Variants in ZNF98 observed in about 807,000 individuals in gnomAD.
ZNF98 encodes zinc finger protein 739.
ZNF98 carries 8 observed loss-of-function variants against 12.8 expected under a neutral mutation model. The observed-to-expected ratio is 0.63, with a 90% CI of 0.37 to 1.13. The LOEUF (loss-of-function observed/expected upper bound fraction) is 1.13, where lower values mean the gene tolerates loss of function less well. Among genes scored for constraint, ZNF98 ranks in the 50% most tolerant of loss-of-function variants. The pLI is 0.01. For missense variants in ZNF98, 379 were observed against 666.1 expected (o/e 0.57, Z 4.74); for synonymous variants, 112 against 223.5 (o/e 0.50, Z 4.45).
At chr19:22,395,067 G>T (rs1254840852) in intron 3 of ZNF98, among the ~76,000 whole-genome samples, 7 of 150,996 alleles carry the variant, frequency 4.6e-5, no homozygotes, top group Non-Finnish European at 1.0e-4. Context: ...AGCTAAGTGG[G>T]AAGCTGAGAC....
At chr19:22,416,862 C>T (rs760184816) in intron 1 of ZNF98, among the ~76,000 whole-genome samples, 87 of 152,050 alleles carry the variant, frequency 5.7e-4, no homozygotes, top group Admixed American at 1.6e-3. Flanking sequence ...TTTGAAGCAA[C>T]GTGGATTAAG....
chr19:22,414,934 TAAAC>T (rs1290940414), intron 1 of ZNF98, among the ~76,000 whole-genome samples: 1 of 152,008 alleles, frequency 6.6e-6, no homozygotes, highest in Non-Finnish European at 1.5e-5. Context: ...ATCAACACAG[TAAAC>T]AAACAACACA....
intron 3 of ZNF98, among the ~76,000 whole-genome samples, chr19:22,400,900 C>T (rs1312384159): frequency 7.0e-6 from 1 of 143,884 alleles, no homozygotes; most frequent in Admixed American, 7.0e-5. Flanking sequence ...TTGCAGTGAG[C>T]CGAGGCCGCG....
At chr19:22,419,533 CAG>C (rs1273849144) in intron 1 of ZNF98, among the ~76,000 whole-genome samples, 3 of 152,138 alleles carry the variant, frequency 2.0e-5, no homozygotes, top group Admixed American at 6.6e-5. Flanking sequence ...TTTCCATTGT[CAG>C]AGTTACTAAC....
chr19:22,397,598 A>C (rs1369762642), intron 3 of ZNF98, among the ~76,000 whole-genome samples: 1 of 150,498 alleles, frequency 6.6e-6, no homozygotes, highest in Non-Finnish European at 1.5e-5. Flanking sequence ...TACAACGAGA[A>C]AAAAAATCTG....
intron 3 of ZNF98, among the ~76,000 whole-genome samples, chr19:22,394,304 AAT>A (rs1219859705): frequency 6.6e-6 from 1 of 150,510 alleles, no homozygotes; most frequent in Non-Finnish European, 1.5e-5. Context: ...TAGAACTAGA[AAT>A]ACCATTTGAG....
Position 22,391,717 on chromosome 19 carries a change from A to G in ZNF98, c.1518T>C (p.Thr506=). 1 of 1,614,054 alleles carries G rather than the reference A, an allele frequency of 6.2e-7. No homozygotes were observed. The highest frequency in any genetic ancestry group is 1.1e-5 in the South Asian group (1 of 91,074). The change falls in exon 4 of 4, where the codon ACT becomes ACC. Residue 506 remains threonine (T), a synonymous_variant. Transcript: ENST00000357774. ...CTCCAGTATGAATCATCTTATGTGT[A>G]GTAAGGTGTGAGGACTGGTTAAAAG... ...GKAFNQSSHL[T]THKMIHTGEK...
At chr19:22,407,375 C>CA (rs1020952241) in intron 1 of ZNF98, among the ~76,000 whole-genome samples, 3 of 144,534 alleles carry the variant, frequency 2.1e-5, no homozygotes, top group African/African-American at 5.0e-5. Context: ...TTAATTTTTT[C>CA]AAAAAACAGC....
In ZNF98 at chr19:22,394,088, CTCA is replaced by C. The variant is rs558524160; in HGVS notation, c.254-1110_254-1108del. The stretch of plus-strand genomic sequence containing the variant: ...CAGCCAACAGACACATGGAAAAATG[CTCA>C]TCATCACTGGCCATCCGAGAAATGC... On this transcript the variant is annotated intron_variant, in intron 3 of 3. Transcript: ENST00000357774. 3.3e-3 allele frequency among the ~76,000 whole-genome samples: 493 copies of C among 147,568 alleles called. 6 individuals are homozygous for C. Among genetic ancestry groups the C allele is most frequent in the African/African-American group, 0.012 (479 of 39,874 alleles).
chr19:22,422,136 C>G lies in ZNF98; in HGVS notation c.30+59G>C. The stretch of plus-strand genomic sequence containing the variant: ...GGCCTGAGTCCCGCCACAGCCTCTT[C>G]CCACCGGTTCCAACCAGCCCCTTCT... On this transcript the variant is annotated intron_variant, in intron 1 of 3. Transcript: ENST00000357774. 3 of 1,607,644 alleles carry G rather than the reference C, an allele frequency of 1.9e-6. No individual in the cohort carries two copies. The South Asian group carries it at 3.3e-5, about 18-fold the overall frequency.
At chr19:22,418,584 T>TA (rs1372736623) in intron 1 of ZNF98, among the ~76,000 whole-genome samples, 1 of 152,186 alleles carries the variant, frequency 6.6e-6, no homozygotes, top group African/African-American at 2.4e-5. Context: ...CTTCTAATTT[T>TA]AAAAAATCAG....
At chr19:22,396,997 T>C (rs561687644) in intron 3 of ZNF98, among the ~76,000 whole-genome samples, 2 of 151,906 alleles carry the variant, frequency 1.3e-5, no homozygotes, top group Admixed American at 6.6e-5. Flanking sequence ...TGGGCGCCTG[T>C]AATCCTAGCT....
At chr19:22,415,913 T>C (rs1191793042) in intron 1 of ZNF98, among the ~76,000 whole-genome samples, 2 of 134,926 alleles carry the variant, frequency 1.5e-5, no homozygotes, top group Non-Finnish European at 3.1e-5. Flanking sequence ...ACCAACATGG[T>C]GAAACCCCGT....
At chr19:22,399,711 G>T (rs1207230202) in intron 3 of ZNF98, among the ~76,000 whole-genome samples, 1 of 152,116 alleles carries the variant, frequency 6.6e-6, no homozygotes, top group Non-Finnish European at 1.5e-5. Flanking sequence ...AATTGAAATA[G>T]AAAGTAGAAA....
chr19:22,399,662 T>G (rs1381443482), intron 3 of ZNF98, among the ~76,000 whole-genome samples: 1 of 152,190 alleles, frequency 6.6e-6, no homozygotes, highest in Non-Finnish European at 1.5e-5. Flanking sequence ...TCAATTTTAG[T>G]ATATTGTCCT....
rs551649573 is a variant in ZNF98, at chr19:22,417,208, A to C, written c.30+4987T>G. The stretch of plus-strand genomic sequence containing the variant: ...CGCGCCATCGCACTCCAGCTTGGGC[A>C]ATAAGAGCAAAACTCCATCTCAAAA... On this transcript the variant is annotated intron_variant, in intron 1 of 3. Coordinates refer to ENST00000357774, the MANE Select transcript of ZNF98 (RefSeq NM_001098626.2). Among the ~76,000 whole-genome samples the C allele has an allele frequency of 3.1e-5, 4 of 128,126 alleles. No homozygotes were observed. The South Asian group carries it at 1.1e-3, about 34-fold the overall frequency. 84.1% of individuals were successfully genotyped at this position (128,126 alleles called of 152,430 possible). A position where few individuals can be genotyped will look rare whatever the true frequency, so the allele number is the denominator to read the frequency against.
chr19:22,398,824 C>A (rs1307276534), intron 3 of ZNF98, among the ~76,000 whole-genome samples: 5 of 151,900 alleles, frequency 3.3e-5, no homozygotes, highest in Admixed American at 2.0e-4. Flanking sequence ...TATTATTAAA[C>A]ACAAGGTGAA....
intron 3 of ZNF98, chr19:22,402,442 T>G (rs1183876505): frequency 1.5e-5 from 6 of 405,176 alleles, no homozygotes; most frequent in Non-Finnish European, 2.2e-5. Flanking sequence ...AAAAACAGTT[T>G]AACATAGAGT....
intron 1 of ZNF98, among the ~76,000 whole-genome samples, chr19:22,415,471 G>C (rs1473963362): frequency 6.6e-6 from 1 of 152,158 alleles, no homozygotes; most frequent in East Asian, 1.9e-4. Context: ...ACTGTATACT[G>C]GATAAAGAAA....
Sources: gnomAD v4.1 joint callset for allele counts (sites outside exome capture counted in the v4.1 genomes callset) on GRCh38, gnomAD v4.1.1 for gene constraint, MANE v1.5 for transcripts, NCBI Gene and HGNC (gene_info 2026-07-23, HGNC 2026-07-21) for gene names.